LRP4: variants seen among roughly 807,000 people sequenced by gnomAD.
The protein encoded by LRP4 is low-density lipoprotein receptor-related protein 4.
A neutral mutation model predicts 220.3 loss-of-function variants in LRP4; 95 were observed. The ratio of observed to expected loss-of-function variants is 0.43; its 90% CI spans 0.37 to 0.51. The LOEUF (loss-of-function observed/expected upper bound fraction) is 0.51. Ranked by LOEUF, LRP4 falls within the 20% of genes least tolerant of loss-of-function variation. The pLI, the probability that LRP4 is intolerant of heterozygous loss-of-function variation, is 0.00. For missense variants in LRP4, 1,925 were observed against 2,567.0 expected, an observed-to-expected ratio of 0.75 and a Z score of 5.40; for synonymous variants, 903 against 954.6, an observed-to-expected ratio of 0.95 and a Z score of 1.00.
intron 20 of LRP4, among the ~76,000 whole-genome samples, chr11:46,881,187 T>C (rs1195027234): frequency 6.6e-6 from 1 of 151,354 alleles, no homozygotes; most frequent in Non-Finnish European, 1.5e-5. Context: ...ACAGGAATAG[T>C]CTGGAGTCAA....
intron 7 of LRP4, among the ~76,000 whole-genome samples, chr11:46,897,378 A>C (rs1005968807): frequency 1.4e-3 from 116 of 83,012 alleles, no homozygotes; most frequent in East Asian, 7.0e-3. Flanking sequence ...ATTTTTTTTT[A>C]TTTTTTAATT....
In LRP4 at chr11:46,896,295, A is replaced by T. The variant is rs1257559745; in HGVS notation, c.963T>A (p.Asn321Lys). The T allele has an allele frequency of 5.6e-6, 9 of 1,614,152 alleles. No individual in the cohort carries two copies. In the East Asian group the frequency reaches 2.0e-4, roughly 36 times the overall value. The change falls in exon 9 of 38, where the codon AAT (asparagine) becomes AAA (lysine). Residue 321 changes from asparagine (N) to lysine (K), a missense_variant. Transcript: ENST00000378623. ...GCTTCCTCTGCCCAATGCAGCGCCCATTCCAACACAGGAACTGGTCCAAGG... is the reference window on the plus strand; with the variant it reads ...GCTTCCTCTGCCCAATGCAGCGCCCTTTCCAACACAGGAACTGGTCCAAGG... ...QCALDQFLCW[N>K]GRCIGQRKLC...
chr11:46,915,864 T>C (rs1322824533), intron 1 of LRP4, among the ~76,000 whole-genome samples: 1 of 152,218 alleles, frequency 6.6e-6, no homozygotes, highest in Non-Finnish European at 1.5e-5. Context: ...GTCTGCCTAA[T>C]GGATCTACTA....
At position 46,918,470 on chromosome 11, in the gene LRP4, G is replaced by C. The variant is rs1425224270; in HGVS notation, c.-91C>G. 3 of 976,110 alleles carry C rather than the reference G, an allele frequency of 3.1e-6. No individual in the cohort carries two copies. Among genetic ancestry groups the C allele is most frequent in the Non-Finnish European group, 3.9e-6 (3 of 767,162 alleles). 60.5% of individuals were successfully genotyped at this position (976,110 alleles called of 1,614,324 possible). On this transcript the variant is annotated 5_prime_UTR_variant, in exon 1 of 38. Coordinates refer to ENST00000378623, the MANE Select transcript of LRP4 (RefSeq NM_002334.4). The surrounding 1 kb of genome is among the most constrained non-coding windows in gnomAD (Gnocchi z 6.0). ...CGCGGAGGGTCCCCGAGGGGGAAGC[G>C]TCCCGGGTGCACGGCGGCCTGCGCG...
Position 46,890,885 on chromosome 11 carries a change from T to C in LRP4, c.1698-391A>G, listed in dbSNP as rs1444620360. ...CTGGGATTATAGGCATGAGTCACCA[T>C]GCCCAGCCTCAGAATGCTTTTTAAG... On this transcript the variant is annotated intron_variant, in intron 13 of 37. Transcript: ENST00000378623. This position sits in a 1 kb window ranked among gnomAD's most constrained non-coding sequence, Gnocchi z 5.3. Among the ~76,000 whole-genome samples, 2 of 152,164 alleles carry C rather than the reference T, an allele frequency of 1.3e-5. No homozygotes were observed. The highest frequency in any genetic ancestry group is 2.9e-5 in the Non-Finnish European group (2 of 68,022).
In LRP4 at chr11:46,873,563, C is replaced by T. The variant is rs1341608361; in HGVS notation, c.4260G>A (p.Glu1420=). Residue 1420 remains glutamate (E), a synonymous_variant, in exon 29 of 38, where the codon GAG becomes GAA. Coordinates refer to ENST00000378623, the MANE Select transcript of LRP4 (RefSeq NM_002334.4). This position sits in a 1 kb window ranked among gnomAD's most constrained non-coding sequence, Gnocchi z 4.2. The part of the protein sequence containing the change: ...RRADLNGSNM[E]TVIGRGLKTT... ...TCTTCAGCCCTCGCCCGATCACTGT[C>T]TCCATGTTGCTGCCGTTCAGGTCTG... 2 of 1,613,836 alleles carry T rather than the reference C, an allele frequency of 1.2e-6. No individual in the cohort carries two copies. The highest frequency in any genetic ancestry group is 2.2e-5 in the East Asian group (1 of 44,886).
rs770759061 is a variant in LRP4, at chr11:46,892,958, T to C, written c.1697+15A>G. On this transcript the variant is annotated intron_variant, in intron 13 of 37. Transcript: ENST00000378623. ...GAGGTTGCAAGAAAGTTCGGGAGCC[T>C]GAGATACAACTTACCCCTCCATGGG... The C allele has an allele frequency of 6.2e-7, 1 of 1,611,098 alleles. No individual in the cohort carries two copies. The highest frequency in any genetic ancestry group is 1.1e-5 in the South Asian group (1 of 90,776).
At chr11:46,877,424 T>A in intron 22 of LRP4, 85 bp from the exon 23 acceptor site, 1 of 1,378,432 alleles carries the variant, frequency 7.3e-7, no homozygotes, top group Non-Finnish European at 1.0e-6. Context: ...ACTCATGCCC[T>A]GTCCCTGCTA....
Position 46,881,781 on chromosome 11 carries a change from T to C in LRP4, c.2735A>G (p.Tyr912Cys), listed in dbSNP as rs756941634. ...AGCCCAGTATAGACGCTGGGACCCA[T>C]AATCAATAGCTAACCCATTAGGCCA... is the stretch of plus-strand genomic sequence containing the variant. The part of the protein sequence containing the change: ...LTWPNGLAID[Y>C]GSQRLYWADA... The change falls in exon 20 of 38, where the codon TAT (tyrosine) becomes TGT (cysteine). Residue 912 changes from tyrosine to cysteine, a missense_variant. Around this residue, in one of 3 missense-constraint regions of LRP4, gnomAD observed 1,244 missense variants for 1,624.9 expected, o/e 0.77. Coordinates refer to ENST00000378623, the MANE Select transcript of LRP4 (RefSeq NM_002334.4). The C allele has an allele frequency of 1.9e-6, 3 of 1,613,958 alleles. No individual in the cohort carries two copies. The highest frequency in any genetic ancestry group is 1.7e-6 in the Non-Finnish European group (2 of 1,180,026).
intron 10 of LRP4, 59 bp downstream of exon 10, chr11:46,895,825 G>T: frequency 1.0e-5 from 16 of 1,601,868 alleles, no homozygotes; most frequent in Non-Finnish European, 1.3e-5. Context: ...AAACACAGCT[G>T]CCTGTCTGCT....
intron 37 of LRP4, chr11:46,860,956 A>C: frequency 1.0e-6 from 1 of 985,330 alleles, no homozygotes. Context: ...TCAGAAGAGA[A>C]AAGGTGAAAG....
Position 46,859,274 on chromosome 11 carries a change from G to C in LRP4, c.5427C>G (p.Ile1809Met). Reference sequence around the variant, plus strand: ...CAGACAGGAGGCAGATTCCCTCTACGATCTTGATCTTCTCCTTGGTGTAGT... The same window carrying C: ...CAGACAGGAGGCAGATTCCCTCTACCATCTTGATCTTCTCCTTGGTGTAGT... ...DHNYTKEKIKIVEGICLLSGD... is the reference protein window; with the variant it reads ...DHNYTKEKIKMVEGICLLSGD... The change falls in exon 38 of 38, where the codon ATC (isoleucine) becomes ATG (methionine). Residue 1809 changes from isoleucine (I) to methionine (M), a missense_variant. Ile to Met is a conservative substitution (Grantham distance 10). Coordinates refer to ENST00000378623, the MANE Select transcript of LRP4 (RefSeq NM_002334.4). The C allele has an allele frequency of 6.2e-7, 1 of 1,614,066 alleles. No individual in the cohort carries two copies. The highest frequency in any genetic ancestry group is 8.5e-7 in the Non-Finnish European group (1 of 1,180,006).
rs1417974209 is a variant in LRP4, at chr11:46,859,137, C to A, written c.5564G>T (p.Gly1855Val). 1 of 1,614,188 alleles carries A rather than the reference C, an allele frequency of 6.2e-7. No individual in the cohort carries two copies. Among genetic ancestry groups the A allele is most frequent in the Admixed American group, 1.7e-5 (1 of 60,030 alleles). ...CTCCGTCTCTGTGTCATCCAGGGAG[C>A]CAGAGCTGGCCTGGATGGACACCGT... ...TDTVSIQASS[G>V]SLDDTETEQL... The change falls in exon 38 of 38, where the codon GGC becomes GTC. Residue 1855 changes from glycine (G) to valine (V), a missense_variant. Gly to Val is a moderately radical substitution (Grantham distance 109). Coordinates refer to ENST00000378623, the MANE Select transcript of LRP4 (RefSeq NM_002334.4).
At position 46,876,480 on chromosome 11, in the gene LRP4, C is replaced by G; in HGVS notation, c.3522G>C (p.Leu1174=). 6.2e-7 allele frequency: 1 copy of G among 1,614,208 alleles called. No individual in the cohort carries two copies. Among genetic ancestry groups the G allele is most frequent in the Non-Finnish European group, 8.5e-7 (1 of 1,180,040 alleles). ...QNLDSPRAIV[L]YHEMGFMYWT... ...CCAGCTCTCACCCCATCTCATGGTACAGTACGATGGCCCGGGGACTGTCAA... is the reference window on the plus strand; with the variant it reads ...CCAGCTCTCACCCCATCTCATGGTAGAGTACGATGGCCCGGGGACTGTCAA... The change falls in exon 25 of 38, where the codon CTG becomes CTC. Residue 1174 remains leucine, a synonymous_variant. Transcript: ENST00000378623.
At chr11:46,879,991 G>C (rs1175897300) in intron 20 of LRP4, among the ~76,000 whole-genome samples, 1 of 152,208 alleles carries the variant, frequency 6.6e-6, no homozygotes, top group Admixed American at 6.5e-5. Context: ...TATAATCCCA[G>C]CTACTTGGGA....
chr11:46,870,092 C>A (rs531743219), intron 31 of LRP4, among the ~76,000 whole-genome samples: 1 of 146,174 alleles, frequency 6.8e-6, no homozygotes. Context: ...GGTGACAGAG[C>A]GAGACTCCAT....
chr11:46,912,620 C>T (rs1040826489), intron 1 of LRP4, among the ~76,000 whole-genome samples: 3 of 152,220 alleles, frequency 2.0e-5, no homozygotes, highest in African/African-American at 7.2e-5. Context: ...TCCATGCCAG[C>T]GCGTGGTTGC....
intron 34 of LRP4, among the ~76,000 whole-genome samples, chr11:46,865,665 G>A (rs554658525): frequency 2.0e-5 from 3 of 152,206 alleles, no homozygotes; most frequent in Non-Finnish European, 4.4e-5. Flanking sequence ...TAACTAACTT[G>A]AAATGCTCAG....
intron 32 of LRP4, 23 bp from the exon 33 acceptor site, chr11:46,868,736 T>C (rs1421073626): frequency 2.0e-6 from 3 of 1,526,934 alleles, no homozygotes; most frequent in African/African-American, 2.7e-5. Context: ...TAGATGAATG[T>C]CTTATCTGGG....
Sources: allele counts gnomAD v4.1 joint callset (sites outside exome capture counted in the v4.1 genomes callset), GRCh38; gene constraint gnomAD v4.1.1; regional missense constraint gnomAD v4.1.1; non-coding constraint Gnocchi (gnomAD v3.1); transcripts MANE v1.5; gene names NCBI Gene and HGNC (gene_info 2026-07-23, HGNC 2026-07-21).